Variants in RNF213 observed in about 807,000 individuals in gnomAD.
RNF213 encodes the protein E3 ubiquitin-protein ligase RNF213.
A neutral mutation model predicts 514.4 loss-of-function variants in RNF213; 341 were observed. The ratio of observed to expected loss-of-function variants is 0.66; its 90% CI spans 0.61 to 0.73. The LOEUF is 0.73. RNF213 is among the 30% of genes least tolerant of loss of function. The pLI, the probability that RNF213 is intolerant of heterozygous loss-of-function variation, is 0.00. For missense variants in RNF213, 5,767 were observed against 6,615.6 expected (o/e 0.87, Z 4.45); for synonymous variants, 2,655 against 2,658.2 (o/e 1.00, Z 0.04).
chr17:80,390,415 C>A (rs1321325843), intron 67 of RNF213, among the ~76,000 whole-genome samples: 1 of 152,154 alleles, frequency 6.6e-6, no homozygotes, highest in African/African-American at 2.4e-5. Flanking sequence ...GAGTCTTGCC[C>A]TGTTACCCAG....
Position 80,319,144 on chromosome 17 carries a change from C to T in RNF213, c.2902-46C>T, listed in dbSNP as rs200418091. ...ATTTTCATCCCATAGAGCACTGGAG[C>T]GCTGCATCCGAAAGCTCTGAAACCA... On this transcript the variant is annotated intron_variant, in intron 16 of 67. Transcript: ENST00000582970. 3.5e-5 allele frequency: 57 copies of T among 1,613,936 alleles called. 1 individual carries two copies. Among genetic ancestry groups the T allele is most frequent in the South Asian group, 1.2e-4 (11 of 91,016 alleles).
intron 18 of RNF213, among the ~76,000 whole-genome samples, chr17:80,327,510 C>T (rs532150164): frequency 1.7e-4 from 26 of 151,996 alleles, no homozygotes; most frequent in Non-Finnish European, 2.8e-4. Flanking sequence ...TCAGTCCATC[C>T]GTATACTGAA....
Position 80,345,492 on chromosome 17 carries a change from C to T in RNF213, c.7157C>T (p.Ala2386Val). The T allele has an allele frequency of 1.9e-6, 3 of 1,610,260 alleles. No individual in the cohort carries two copies. Among genetic ancestry groups the T allele is most frequent in the Admixed American group, 1.7e-5 (1 of 59,854 alleles). Residue 2386 changes from alanine to valine, a missense_variant, in exon 29 of 68, where the codon GCC becomes GTC. Around this residue, in one of 13 missense-constraint regions of RNF213, gnomAD observed 1,377 missense variants for 1,635.2 expected, o/e 0.84. Coordinates refer to ENST00000582970, the MANE Select transcript of RNF213 (RefSeq NM_001256071.3). This position sits in a 1 kb window ranked among gnomAD's most constrained non-coding sequence, Gnocchi z 6.0. ...RLCLTLGIPQATDPDKTYELT... is the reference protein window; with the variant it reads ...RLCLTLGIPQVTDPDKTYELT... The stretch of plus-strand genomic sequence containing the variant: ...TGCCTGACCTTAGGGATCCCCCAGG[C>T]CACCGACCCCGACAAAACGTATGAG...
intron 17 of RNF213, chr17:80,321,564 T>C (rs1191973263): frequency 6.6e-6 from 1 of 152,208 alleles, no homozygotes; most frequent in Non-Finnish European, 1.5e-5. Context: ...CATGTTTAAT[T>C]GTTTAAAGAA....
chr17:80,337,025 A>G (rs547723495), intron 23 of RNF213: 1 of 164,810 alleles, frequency 6.1e-6, no homozygotes, highest in Admixed American at 5.7e-5. Flanking sequence ...GCTGCTCTGC[A>G]TGTGGGTGGA....
At chr17:80,356,494 G>C (rs533612638) in intron 36 of RNF213, among the ~76,000 whole-genome samples, 68 of 152,350 alleles carry the variant, frequency 4.5e-4, no homozygotes, top group Admixed American at 1.3e-3. Context: ...ACCTGCCCCA[G>C]GGCCAGCAGC....
Position 80,363,765 on chromosome 17 carries a change from G to A in RNF213, c.11725G>A (p.Ala3909Thr). ...DEHMQGSGSLAQAVIREVRAQ... is the reference protein window; with the variant it reads ...DEHMQGSGSLTQAVIREVRAQ... Reference sequence around the variant, plus strand: ...GCACATGCAAGGCAGCGGGAGCCTGGCCCAGGCTGTCATCAGGGAAGTCAG... The same window carrying A: ...GCACATGCAAGGCAGCGGGAGCCTGACCCAGGCTGTCATCAGGGAAGTCAG... Residue 3909 changes from alanine to threonine, a missense_variant, in exon 41 of 68, where the codon GCC becomes ACC. Ala to Thr is a moderately conservative substitution (Grantham distance 58). Transcript: ENST00000582970. 4 of 1,613,542 alleles carry A rather than the reference G, an allele frequency of 2.5e-6. No homozygotes were observed. The highest frequency in any genetic ancestry group is 3.4e-6 in the Non-Finnish European group (4 of 1,179,990).
chr17:80,301,100 C>G (rs939060679), intron 11 of RNF213, among the ~76,000 whole-genome samples: 2 of 152,120 alleles, frequency 1.3e-5, no homozygotes, highest in Non-Finnish European at 1.5e-5. Context: ...CATCTGTTTA[C>G]TCTGTTGATA....
chr17:80,273,916 G>T (rs113004646), intron 3 of RNF213, among the ~76,000 whole-genome samples: 1 of 152,016 alleles, frequency 6.6e-6, no homozygotes, highest in Non-Finnish European at 1.5e-5. Context: ...CACCGCGCCC[G>T]GCCTCCACCT....
At chr17:80,324,569 TA>T (rs10707823) in intron 17 of RNF213, among the ~76,000 whole-genome samples, 101,290 of 151,948 alleles carry the variant, frequency 0.67, 34,854 homozygotes, top group African/African-American at 0.77. Context: ...ACTTTGAACC[TA>T]AAGGAAGAAA....
In RNF213 at chr17:80,396,732, C is replaced by A. The variant is rs1468433703; in HGVS notation, c.*3234C>A. On this transcript the variant is annotated 3_prime_UTR_variant, in exon 68 of 68. Coordinates refer to ENST00000582970, the MANE Select transcript of RNF213 (RefSeq NM_001256071.3). ...AGCGCCAGGAAAGTGCATTTCCCCC[C>A]CACCCCCCCCCCCCAACCAGAGCAA... The A allele has an allele frequency of 2.8e-5, 1 of 36,232 alleles. No individual in the cohort carries two copies. The highest frequency in any genetic ancestry group is 1.9e-4 in the Admixed American group (1 of 5,286). The allele number at this position is 36,232 out of a possible 1,614,324, so 2.2% of individuals were successfully genotyped here. A position where few individuals can be genotyped will look rare whatever the true frequency, so the allele number is the denominator to read the frequency against.
At chr17:80,349,747 A>G (rs756831813) in intron 29 of RNF213, 23 bp from the exon 30 acceptor site, 1 of 1,613,844 alleles carries the variant, frequency 6.2e-7, no homozygotes, top group Admixed American at 1.7e-5. Flanking sequence ...CTGGCAAGTA[A>G]TTTGCATTTC....
chr17:80,358,391 G>C lies in RNF213; in HGVS notation c.10966G>C (p.Asp3656His), dbSNP rs2078912745. Residue 3656 changes from aspartate to histidine, a missense_variant, in exon 37 of 68, where the codon GAT (aspartate) becomes CAT (histidine). Around this residue, in one of 13 missense-constraint regions of RNF213, gnomAD observed 919 missense variants for 1,121.0 expected, o/e 0.82. Transcript: ENST00000582970. ...CAACCTAGAGTTACTGACCAGGCCAGATACTCCGCCCTGGGCAAGAGATCT... is the reference window on the plus strand; with the variant it reads ...CAACCTAGAGTTACTGACCAGGCCACATACTCCGCCCTGGGCAAGAGATCT... ...DGNLELLTRP[D>H]TPPWARDLWM... is the part of the protein sequence containing the mutation. 6.2e-7 allele frequency: 1 copy of C among 1,614,174 alleles called. No individual in the cohort carries two copies. Among genetic ancestry groups the C allele is most frequent in the Non-Finnish European group, 8.5e-7 (1 of 1,180,016 alleles).
chr17:80,376,402 G>T lies in RNF213; in HGVS notation c.13287G>T (p.Leu4429Phe), dbSNP rs531943501. The T allele has an allele frequency of 1.2e-6, 2 of 1,614,204 alleles. No homozygotes were observed. The highest frequency in any genetic ancestry group is 1.7e-6 in the Non-Finnish European group (2 of 1,180,040). Residue 4429 changes from leucine (L) to phenylalanine (F), a missense_variant, in exon 52 of 68, where the codon TTG (leucine) becomes TTT (phenylalanine). Leu to Phe is a conservative substitution (Grantham distance 22, BLOSUM62 0). Coordinates refer to ENST00000582970, the MANE Select transcript of RNF213 (RefSeq NM_001256071.3). ...ATSLVDNSVP[L>F]LRAGPSDSNL... ...CGCTCGTGGACAATTCTGTGCCATT[G>T]TTGAGGGCGGGGCCTAGTGACAGCA... is the stretch of plus-strand genomic sequence containing the variant.
intron 3 of RNF213, among the ~76,000 whole-genome samples, chr17:80,279,993 C>G (rs11658289): frequency 1.5e-4 from 23 of 152,300 alleles, no homozygotes; most frequent in Admixed American, 2.6e-4. Flanking sequence ...CCCTGCCCAT[C>G]GAGATGGTCA....
intron 23 of RNF213, 155 bp from the exon 24 acceptor site, chr17:80,337,431 C>G: frequency 2.2e-6 from 2 of 910,332 alleles, no homozygotes; most frequent in Non-Finnish European, 3.2e-6. Context: ...CCTGGTCCAG[C>G]TGGGGCGCTG....
At chr17:80,294,351 G>A (rs753743898) in intron 8 of RNF213, among the ~76,000 whole-genome samples, 4 of 152,156 alleles carry the variant, frequency 2.6e-5, no homozygotes, top group Non-Finnish European at 4.4e-5. Context: ...GGGGGGATGC[G>A]GTTTCTGTAT....
rs781142932 is a variant in RNF213 at position 80,332,043 on chromosome 17, C to T, written c.3555C>T (p.Asp1185=). ...FGVLAVRHSQ[D]LSSKRLNDTV... is the part of the protein sequence containing the mutation. The stretch of plus-strand genomic sequence containing the variant: ...TGCTTGCAGTAAGACACTCACAAGA[C>T]CTCAGCAGTAAAAGATTAAATGACA... Residue 1185 remains aspartate (D), a synonymous_variant, in exon 21 of 68, where the codon GAC becomes GAT. Transcript: ENST00000582970. 5.2e-6 allele frequency: 8 copies of T among 1,537,110 alleles called. No individual in the cohort carries two copies. The highest frequency in any genetic ancestry group is 1.2e-5 in the South Asian group (1 of 84,054).
chr17:80,369,700 C>T (rs2079438776), intron 45 of RNF213, 29 bp downstream of exon 45: 1 of 1,614,002 alleles, frequency 6.2e-7, no homozygotes, highest in South Asian at 1.1e-5. Context: ...GTAAACCTAG[C>T]CCCTCATTTC....
Sources: allele counts gnomAD v4.1 joint callset (sites outside exome capture counted in the v4.1 genomes callset), GRCh38; gene constraint gnomAD v4.1.1; regional missense constraint gnomAD v4.1.1; non-coding constraint Gnocchi (gnomAD v3.1); transcripts MANE v1.5; gene names NCBI Gene and HGNC (gene_info 2026-07-23, HGNC 2026-07-21).